Variants in CCDC178 observed in about 807,000 individuals in gnomAD.
The protein encoded by CCDC178 is coiled-coil domain containing 178.
Under a neutral mutation model 117.4 loss-of-function variants are expected in CCDC178, and 126 were observed. That is an observed-to-expected ratio of 1.07 (90% CI 0.93 to 1.24). CCDC178 has a LOEUF of 1.24. Ranked by LOEUF, CCDC178 falls within the 50% of genes most tolerant of loss-of-function variation. The probability of loss-of-function intolerance (pLI) is 0.00; values close to 1 mark genes in which losing one functional copy is unlikely to be tolerated. For synonymous variants in CCDC178, 283 were observed against 313.4 expected, an observed-to-expected ratio of 0.90 and a Z score of 1.02; for missense variants, 1,030 against 986.9, an observed-to-expected ratio of 1.04 and a Z score of -0.59.
chr18:33,270,155 T>G (rs1239601963), intron 12 of CCDC178, among the ~76,000 whole-genome samples: 1 of 150,606 alleles, frequency 6.6e-6, no homozygotes, highest in Non-Finnish European at 1.5e-5. Flanking sequence ...AATCATCAAA[T>G]CTGAAGACGA....
intron 6 of CCDC178, among the ~76,000 whole-genome samples, chr18:33,363,378 G>A (rs967449057): frequency 2.6e-5 from 4 of 151,970 alleles, no homozygotes; most frequent in African/African-American, 9.7e-5. Context: ...TCTGAGATAG[G>A]AACTCAGATC....
chr18:33,211,814 G>T (rs1413629121), intron 20 of CCDC178, 82 bp downstream of exon 20: 21 of 1,136,760 alleles, frequency 1.8e-5, no homozygotes, highest in East Asian at 2.5e-5. Context: ...GCTACTTCAG[G>T]ATAAAAATTG....
At chr18:33,370,513 T>C (rs1482831730) in intron 5 of CCDC178, among the ~76,000 whole-genome samples, 1 of 151,950 alleles carries the variant, frequency 6.6e-6, no homozygotes, top group Non-Finnish European at 1.5e-5. Context: ...GAAAAAACAG[T>C]TGACCCATGT....
At chr18:33,416,443 A>G (rs2063942885) in intron 2 of CCDC178, among the ~76,000 whole-genome samples, 4 of 151,940 alleles carry the variant, frequency 2.6e-5, no homozygotes, top group Admixed American at 2.6e-4. Flanking sequence ...AAAAAAAAGA[A>G]AAAAACTGCC....
intron 20 of CCDC178, among the ~76,000 whole-genome samples, chr18:33,114,332 C>A (rs1478822512): frequency 6.6e-6 from 1 of 151,884 alleles, no homozygotes; most frequent in Admixed American, 6.6e-5. Context: ...GCAGGAGAGA[C>A]CCTGGTAGCC....
chr18:33,186,639 G>A (rs1408050967), intron 20 of CCDC178, among the ~76,000 whole-genome samples: 1 of 152,040 alleles, frequency 6.6e-6, no homozygotes, highest in Non-Finnish European at 1.5e-5. Context: ...GGGGTATTGA[G>A]ATTGTTACTT....
At chr18:33,312,177 TC>T (rs1171584301) in intron 11 of CCDC178, among the ~76,000 whole-genome samples, 2 of 152,130 alleles carry the variant, frequency 1.3e-5, no homozygotes, top group Non-Finnish European at 2.9e-5. Flanking sequence ...TGTTACTCTG[TC>T]CCTGAGTTGG....
At chr18:33,128,016 A>G (rs926042970) in intron 20 of CCDC178, among the ~76,000 whole-genome samples, 1 of 152,158 alleles carries the variant, frequency 6.6e-6, no homozygotes, top group African/African-American at 2.4e-5. Context: ...GCCAATTCAG[A>G]CTGATTTAGA....
intron 6 of CCDC178, among the ~76,000 whole-genome samples, chr18:33,357,904 T>A (rs2063077787): frequency 6.6e-6 from 1 of 151,876 alleles, no homozygotes; most frequent in Non-Finnish European, 1.5e-5. Context: ...GTGTCACTAA[T>A]GACAGTGATA....
intron 12 of CCDC178, among the ~76,000 whole-genome samples, chr18:33,285,042 T>A (rs941771590): frequency 6.6e-6 from 1 of 151,998 alleles, no homozygotes; most frequent in African/African-American, 2.4e-5. Flanking sequence ...AAAGTACATA[T>A]TAACACATTA....
At chr18:33,013,232 C>T (rs1342256377) in intron 21 of CCDC178, among the ~76,000 whole-genome samples, 3 of 152,070 alleles carry the variant, frequency 2.0e-5, no homozygotes, top group African/African-American at 7.2e-5. Context: ...TTTCTTTCAC[C>T]TGCTTCACAG....
intron 21 of CCDC178, among the ~76,000 whole-genome samples, chr18:33,020,159 C>T (rs953304785): frequency 6.7e-6 from 1 of 149,756 alleles, no homozygotes; most frequent in African/African-American, 2.5e-5. Flanking sequence ...GGGGTTTCAC[C>T]ATCTTGGCCA....
intron 21 of CCDC178, among the ~76,000 whole-genome samples, chr18:33,011,001 A>G (rs1292162239): frequency 6.6e-6 from 1 of 152,172 alleles, no homozygotes; most frequent in Non-Finnish European, 1.5e-5. Context: ...CCCCCAAATT[A>G]TTATTTTAAC....
At chr18:33,146,626 G>A (rs1010393542) in intron 20 of CCDC178, among the ~76,000 whole-genome samples, 1 of 152,154 alleles carries the variant, frequency 6.6e-6, no homozygotes, top group African/African-American at 2.4e-5. Context: ...ACTCCAGCCT[G>A]GGTGACAGAG....
At chr18:33,017,301 C>T (rs908914700) in intron 21 of CCDC178, among the ~76,000 whole-genome samples, 26 of 151,806 alleles carry the variant, frequency 1.7e-4, no homozygotes, top group African/African-American at 6.3e-4. Flanking sequence ...ATGTTCTATA[C>T]ACTATCAACA....
chr18:33,438,201 C>T (rs561591600), intron 2 of CCDC178, among the ~76,000 whole-genome samples: 3 of 152,150 alleles, frequency 2.0e-5, no homozygotes, highest in African/African-American at 4.8e-5. Flanking sequence ...GGTTCCAACT[C>T]GAGACCAAGC....
At chr18:32,945,807 A>G (rs1345270568) in intron 22 of CCDC178, among the ~76,000 whole-genome samples, 2 of 152,140 alleles carry the variant, frequency 1.3e-5, no homozygotes, top group South Asian at 2.1e-4. Flanking sequence ...AACTTCTTTT[A>G]TATTTTTAAT....
chr18:33,008,585 C>T (rs948297297), intron 21 of CCDC178, among the ~76,000 whole-genome samples: 5 of 151,986 alleles, frequency 3.3e-5, no homozygotes, highest in African/African-American at 1.2e-4. Flanking sequence ...CCACATTTTG[C>T]TCTCTCCTGT....
chr18:33,114,126 C>T (rs762211941), intron 20 of CCDC178, among the ~76,000 whole-genome samples: 6 of 152,080 alleles, frequency 3.9e-5, no homozygotes, highest in Admixed American at 6.6e-5. Context: ...GGCAGCTCCC[C>T]TTCCACCCTC....
Sources: gnomAD v4.1 joint callset for allele counts (sites outside exome capture counted in the v4.1 genomes callset) on GRCh38, gnomAD v4.1.1 for gene constraint, MANE v1.5 for transcripts, NCBI Gene and HGNC (gene_info 2026-07-23, HGNC 2026-07-21) for gene names.